The following USP24 variants were observed in gnomAD, a reference collection of about 807,000 sequenced individuals.
USP24 encodes the protein ubiquitin carboxyl-terminal hydrolase 24.
USP24 carries 97 observed loss-of-function variants against 361.6 expected under a neutral mutation model. The ratio of observed to expected loss-of-function variants is 0.27; its 90% CI spans 0.23 to 0.32. USP24 has a LOEUF of 0.32. USP24 is among the 10% of genes least tolerant of loss of function. USP24 has a pLI of 1.00. For synonymous variants in USP24, 1,098 were observed against 1,124.6 expected (o/e 0.98, Z 0.47); for missense variants, 2,353 against 3,165.6 (o/e 0.74, Z 6.16).
At chr1:55,089,285 T>G (rs1422092598) in intron 55 of USP24, among the ~76,000 whole-genome samples, 1 of 152,210 alleles carries the variant, frequency 6.6e-6, no homozygotes, top group African/African-American at 2.4e-5. Context: ...TGTGGTACTC[T>G]GGGATTGTTT....
intron 28 of USP24, among the ~76,000 whole-genome samples, chr1:55,135,859 T>G (rs1199907204): frequency 6.6e-6 from 1 of 152,142 alleles, no homozygotes; most frequent in African/African-American, 2.4e-5. Flanking sequence ...AGCAGAACAG[T>G]CTTACGCAGC....
At chr1:55,184,011 T>C (rs967387876) in intron 1 of USP24, among the ~76,000 whole-genome samples, 8 of 152,156 alleles carry the variant, frequency 5.3e-5, no homozygotes, top group South Asian at 2.1e-4. Context: ...AAAAGGACAC[T>C]GAAAAGCTGT....
chr1:55,078,217 T>C (rs111395243), intron 61 of USP24, among the ~76,000 whole-genome samples: 271 of 150,940 alleles, frequency 1.8e-3, no homozygotes, highest in African/African-American at 6.0e-3. Context: ...GTCCCTGGGG[T>C]AGCGTGAGCA....
At chr1:55,147,551 T>C (rs1210652294) in intron 18 of USP24, 98 bp downstream of exon 18, 5 of 1,339,260 alleles carry the variant, frequency 3.7e-6, no homozygotes, top group Non-Finnish European at 4.9e-6. Flanking sequence ...ATACAACCTC[T>C]TTATAGTTAC....
Position 55,137,916 on chromosome 1 carries a change from A to C in USP24, c.2929-12T>G. On this transcript the variant is annotated splice_polypyrimidine_tract_variant and intron_variant, in intron 26 of 67. Transcript: ENST00000294383. ...TCATTACTGTGAGCCTGTAAAATAA[A>C]ATTAAACACGTTGTGAGAGAATTCA... The C allele has an allele frequency of 6.4e-7, 1 of 1,564,910 alleles. No individual in the cohort carries two copies.
At chr1:55,076,772 T>C (rs1225663973) in intron 62 of USP24, among the ~76,000 whole-genome samples, 1 of 152,224 alleles carries the variant, frequency 6.6e-6, no homozygotes, top group African/African-American at 2.4e-5. Flanking sequence ...AATCCTACAA[T>C]TGATTACATT....
intron 67 of USP24, among the ~76,000 whole-genome samples, chr1:55,069,916 G>T (rs1487828402): frequency 6.6e-6 from 1 of 151,398 alleles, no homozygotes; most frequent in Non-Finnish European, 1.5e-5. Flanking sequence ...AAATGGGGGT[G>T]GGGAGGTGCG....
rs774515924 is a variant in USP24 at position 55,106,121 on chromosome 1, T to C, written c.4880+25A>G. Reference sequence around the variant, plus strand: ...TTCAAATTAGAATTTTTACCAAAACTGAACACAACGTGCATTTTCCATACT... The same window carrying C: ...TTCAAATTAGAATTTTTACCAAAACCGAACACAACGTGCATTTTCCATACT... On this transcript the variant is annotated intron_variant, in intron 41 of 67. Coordinates refer to ENST00000294383, the MANE Select transcript of USP24 (RefSeq NM_015306.3). 48 of 1,577,374 alleles carry C rather than the reference T, an allele frequency of 3.0e-5. 1 individual carries two copies. The East Asian group carries it at 1.1e-3, about 35-fold the overall frequency.
At chr1:55,213,221 T>A (rs1412772594) in intron 1 of USP24, among the ~76,000 whole-genome samples, 1 of 152,210 alleles carries the variant, frequency 6.6e-6, no homozygotes, top group Non-Finnish European at 1.5e-5. Flanking sequence ...AGAAGCTGAT[T>A]TCTTAAAATG....
intron 36 of USP24, among the ~76,000 whole-genome samples, chr1:55,122,619 G>C (rs182256773): frequency 6.8e-4 from 103 of 152,262 alleles, no homozygotes; most frequent in African/African-American, 2.4e-3. Context: ...TGGCAGCTTG[G>C]AGGGACCAAC....
Position 55,215,248 on chromosome 1 carries a change from C to G in USP24, c.-135G>C. On this transcript the variant is annotated 5_prime_UTR_variant, in exon 1 of 68. Transcript: ENST00000294383. Reference sequence around the variant, plus strand: ...CTGCGTTCCTGCCCCGGGTGCTCCGCAGCAGCCGGGCCAGGCTGGGTGCGG... The same window carrying G: ...CTGCGTTCCTGCCCCGGGTGCTCCGGAGCAGCCGGGCCAGGCTGGGTGCGG... 1 of 678,428 alleles carries G rather than the reference C, an allele frequency of 1.5e-6. No individual in the cohort carries two copies. The highest frequency in any genetic ancestry group is 2.0e-6 in the Non-Finnish European group (1 of 499,930). The allele number at this position is 678,428 out of a possible 1,614,324, so 42.0% of individuals were successfully genotyped here. A position where few individuals can be genotyped will look rare whatever the true frequency, so the allele number is the denominator to read the frequency against.
intron 56 of USP24, among the ~76,000 whole-genome samples, chr1:55,085,447 G>C (rs1287034694): frequency 1.3e-5 from 2 of 152,226 alleles, no homozygotes; most frequent in African/African-American, 4.8e-5. Flanking sequence ...AGTGTCAGCT[G>C]TTTGAAACAG....
At chr1:55,132,434 C>T in intron 31 of USP24, 111 bp downstream of exon 31, 2 of 1,272,614 alleles carry the variant, frequency 1.6e-6, no homozygotes, top group Non-Finnish European at 2.1e-6. Flanking sequence ...AATTTTCAAC[C>T]AATCATCACA....
At chr1:55,194,923 T>G (rs1644377713) in intron 1 of USP24, among the ~76,000 whole-genome samples, 2 of 152,176 alleles carry the variant, frequency 1.3e-5, no homozygotes, top group African/African-American at 4.8e-5. Flanking sequence ...CTCGGACTGC[T>G]GCAATACTCA....
At chr1:55,132,741 G>T in intron 30 of USP24, 41 bp from the exon 31 acceptor site, 1 of 1,564,868 alleles carries the variant, frequency 6.4e-7, no homozygotes, top group Non-Finnish European at 8.7e-7. Context: ...CTACTTAAAA[G>T]GACAAATTAA....
chr1:55,158,865 A>G lies in USP24; in HGVS notation c.1227+13T>C. 1.3e-6 allele frequency: 2 copies of G among 1,485,090 alleles called. No individual in the cohort carries two copies. The highest frequency in any genetic ancestry group is 1.4e-5 in the South Asian group (1 of 70,002). 92.0% of individuals were successfully genotyped at this position (1,485,090 alleles called of 1,614,324 possible). On this transcript the variant is annotated intron_variant, in intron 10 of 67. Transcript: ENST00000294383. The stretch of plus-strand genomic sequence containing the variant: ...TGTGCATTAAGTCTTGTAGAAACAA[A>G]TGAAAAACTTACTTCTTTGAGAGAA...
chr1:55,120,606 C>T lies in USP24; in HGVS notation c.4498G>A (p.Val1500Ile). 2 of 1,550,652 alleles carry T rather than the reference C, an allele frequency of 1.3e-6. No individual in the cohort carries two copies. Among genetic ancestry groups the T allele is most frequent in the East Asian group, 2.4e-5 (1 of 41,552 alleles). The change falls in exon 38 of 68, where the codon GTC becomes ATC. Residue 1500 changes from valine to isoleucine, a missense_variant. Transcript: ENST00000294383. The stretch of plus-strand genomic sequence containing the variant: ...ATTTTTATTACCTACCTCTGATTGA[C>T]TCCTCTCATAATACTAGTTGGAGAC... ...LWSPTSIMRG[V>I]NQRLLSQCME...
chr1:55,214,327 C>T (rs1253637760), intron 1 of USP24, among the ~76,000 whole-genome samples: 1 of 152,016 alleles, frequency 6.6e-6, no homozygotes, highest in Non-Finnish European at 1.5e-5. Flanking sequence ...GAGCCTGGTG[C>T]CTCCGCCAAT....
At chr1:55,163,601 T>TA (rs1183332312) in intron 7 of USP24, among the ~76,000 whole-genome samples, 1 of 152,088 alleles carries the variant, frequency 6.6e-6, no homozygotes, top group Non-Finnish European at 1.5e-5. Flanking sequence ...TGAAAATATT[T>TA]AGCACTAATG....
Sources: allele counts gnomAD v4.1 joint callset (sites outside exome capture counted in the v4.1 genomes callset), GRCh38; gene constraint gnomAD v4.1.1; transcripts MANE v1.5; gene names NCBI Gene and HGNC (gene_info 2026-07-23, HGNC 2026-07-21).